NRXN1: variants seen among roughly 807,000 people sequenced by gnomAD.
The protein encoded by NRXN1 is neurexin-1.
NRXN1 carries 39 observed loss-of-function variants against 150.9 expected under a neutral mutation model. That is an observed-to-expected ratio of 0.26 (90% CI 0.20 to 0.34). The LOEUF is 0.34. NRXN1 is among the 10% of genes least tolerant of loss of function. The pLI, the probability that NRXN1 is intolerant of heterozygous loss-of-function variation, is 1.00. For missense variants in NRXN1, 1,815 were observed against 1,949.9 expected (o/e 0.93, Z 1.30); for synonymous variants, 924 against 757.0 (o/e 1.22, Z -3.62).
chr2:50,143,696 T>C (rs1418352060), intron 18 of NRXN1, among the ~76,000 whole-genome samples: 1 of 151,902 alleles, frequency 6.6e-6, no homozygotes, highest in Non-Finnish European at 1.5e-5. Flanking sequence ...GTATTCAATA[T>C]CCATAGTCTG....
chr2:50,209,978 T>C (rs1442352627), intron 18 of NRXN1, among the ~76,000 whole-genome samples: 1 of 152,018 alleles, frequency 6.6e-6, no homozygotes, highest in East Asian at 1.9e-4. Context: ...AGTGATCTTA[T>C]TAATGCTGTT....
chr2:49,954,031 T>A (rs755332810), intron 21 of NRXN1, among the ~76,000 whole-genome samples: 16 of 152,220 alleles, frequency 1.1e-4, no homozygotes, highest in Admixed American at 3.3e-4. Flanking sequence ...AATAAAAAAA[T>A]TATTATTATA....
intron 17 of NRXN1, among the ~76,000 whole-genome samples, chr2:50,362,090 G>C (rs2079253567): frequency 6.6e-6 from 1 of 152,106 alleles, no homozygotes. Context: ...GGTATTGGTG[G>C]AACATATTTC....
intron 5 of NRXN1, among the ~76,000 whole-genome samples, chr2:50,657,386 T>C (rs997586172): frequency 6.6e-6 from 1 of 152,046 alleles, no homozygotes; most frequent in Admixed American, 6.6e-5. Context: ...TTTATTTTTC[T>C]CCATAAAACT....
At chr2:50,502,810 G>C (rs1006487901) in intron 13 of NRXN1, among the ~76,000 whole-genome samples, 3 of 151,074 alleles carry the variant, frequency 2.0e-5, no homozygotes, top group African/African-American at 4.9e-5. Context: ...TGTATGTTTG[G>C]GTGTAGGTAT....
intron 18 of NRXN1, among the ~76,000 whole-genome samples, chr2:50,176,393 A>G (rs1204136069): frequency 6.6e-6 from 1 of 152,164 alleles, no homozygotes; most frequent in Non-Finnish European, 1.5e-5. Flanking sequence ...ATTTTAGGCT[A>G]GAAAATTCTT....
chr2:50,401,441 C>T (rs149918055), intron 17 of NRXN1, among the ~76,000 whole-genome samples: 1 of 152,042 alleles, frequency 6.6e-6, no homozygotes, highest in Non-Finnish European at 1.5e-5. Flanking sequence ...TAACTGGGGA[C>T]TTGGCTTCTT....
At chr2:50,902,847 CA>C (rs1409096555) in intron 5 of NRXN1, among the ~76,000 whole-genome samples, 1 of 151,974 alleles carries the variant, frequency 6.6e-6, no homozygotes, top group African/African-American at 2.4e-5. Flanking sequence ...ATGCTTTTTA[CA>C]AGTCAAAAAT....
chr2:49,949,264 G>A (rs1673501498), intron 21 of NRXN1, among the ~76,000 whole-genome samples: 1 of 151,852 alleles, frequency 6.6e-6, no homozygotes, highest in Non-Finnish European at 1.5e-5. Flanking sequence ...ACAGATGTAT[G>A]TTTGTTATTT....
At chr2:50,492,827 T>G (rs144816329) in intron 15 of NRXN1, among the ~76,000 whole-genome samples, 1,678 of 152,278 alleles carry the variant, frequency 0.011, 33 homozygotes, top group African/African-American at 0.037. Flanking sequence ...ATACAAAAAT[T>G]TAAAAGTGAG....
intron 18 of NRXN1, chr2:50,199,396 AACCCC>A (rs1179442421): frequency 2.0e-5 from 3 of 152,082 alleles, no homozygotes; most frequent in African/African-American, 7.2e-5. Context: ...TGGAACTCCC[AACCCC>A]ACCCCACCAA....
At chr2:50,251,678 G>C (rs2067101919) in intron 17 of NRXN1, among the ~76,000 whole-genome samples, 1 of 152,086 alleles carries the variant, frequency 6.6e-6, no homozygotes, top group African/African-American at 2.4e-5. Context: ...TTTCTCCAGA[G>C]CCTGGCCAGC....
At chr2:50,311,898 C>T (rs1404689981) in intron 17 of NRXN1, among the ~76,000 whole-genome samples, 1 of 151,846 alleles carries the variant, frequency 6.6e-6, no homozygotes, top group African/African-American at 2.4e-5. Context: ...AATACCTACA[C>T]AATTGGAGGA....
chr2:50,347,024 G>C lies in NRXN1; in HGVS notation c.3365-110054C>G, dbSNP rs1198624253. The C allele has an allele frequency of 1.0e-5, 14 of 1,383,690 alleles. No homozygotes were observed. Among genetic ancestry groups the C allele is most frequent in the Non-Finnish European group, 1.2e-5 (13 of 1,061,510 alleles). The allele number at this position is 1,383,690 out of a possible 1,614,324, so 85.7% of individuals were successfully genotyped here. A position where few individuals can be genotyped will look rare whatever the true frequency, so the allele number is the denominator to read the frequency against. ...CGCGGGGAGAGGAGAGGGCGCAGGGGAGCGGGCGGCGCGGAGTGGGCTGAG... is the reference window on the plus strand; with the variant it reads ...CGCGGGGAGAGGAGAGGGCGCAGGGCAGCGGGCGGCGCGGAGTGGGCTGAG... On this transcript the variant is annotated intron_variant, in intron 17 of 22. Transcript: ENST00000401669. This position sits in a 1 kb window ranked among gnomAD's most constrained non-coding sequence, Gnocchi z 4.9.
chr2:50,334,668 C>T (rs1310670514), intron 17 of NRXN1, among the ~76,000 whole-genome samples: 1 of 152,064 alleles, frequency 6.6e-6, no homozygotes, highest in African/African-American at 2.4e-5. Flanking sequence ...GAGGTGGGAC[C>T]GATATTCATA....
intron 17 of NRXN1, among the ~76,000 whole-genome samples, chr2:50,329,662 TATATATATATA>T (rs1351827016): frequency 0.029 from 709 of 24,758 alleles, 17 homozygotes; most frequent in East Asian, 0.065. Flanking sequence ...TATATATATA[TATATATATATA>T]TTTTTTTTTT....
At chr2:50,850,483 C>A (rs1354805293) in intron 5 of NRXN1, among the ~76,000 whole-genome samples, 1 of 152,076 alleles carries the variant, frequency 6.6e-6, no homozygotes, top group African/African-American at 2.4e-5. Context: ...GACTTTCTTT[C>A]TTGCTTCAGT....
chr2:50,174,959 T>C (rs1208778747), intron 18 of NRXN1: 1 of 152,206 alleles, frequency 6.6e-6, no homozygotes, highest in African/African-American at 2.4e-5. Flanking sequence ...AATTTCACTA[T>C]ATTACCCACA....
At position 50,933,477 on chromosome 2, in the gene NRXN1, T is replaced by G. The variant is rs940488131; in HGVS notation, c.773-7522A>C. Among the ~76,000 whole-genome samples, 7 of 152,106 alleles carry G rather than the reference T, an allele frequency of 4.6e-5. No homozygotes were observed. The East Asian group carries it at 1.3e-3, about 29-fold the overall frequency. On this transcript the variant is annotated intron_variant, in intron 2 of 22. Transcript: ENST00000401669. ...ATAATTCTTTTGCAGGAAGAAAAACTAAATACTATACAAACTGCAATTCTC... is the reference window on the plus strand; with the variant it reads ...ATAATTCTTTTGCAGGAAGAAAAACGAAATACTATACAAACTGCAATTCTC...
Sources: allele counts gnomAD v4.1 joint callset (sites outside exome capture counted in the v4.1 genomes callset), GRCh38; gene constraint gnomAD v4.1.1; non-coding constraint Gnocchi (gnomAD v3.1); transcripts MANE v1.5; gene names NCBI Gene and HGNC (gene_info 2026-07-23, HGNC 2026-07-21).